TSPAN18: variants seen among roughly 807,000 people sequenced by gnomAD.
The protein encoded by TSPAN18 is tetraspanin-18.
A neutral mutation model predicts 27.3 loss-of-function variants in TSPAN18; 14 were observed. The observed-to-expected ratio is 0.51, with a 90% CI of 0.34 to 0.80. The LOEUF is 0.80. Ranked by LOEUF, TSPAN18 falls within the 30% of genes least tolerant of loss-of-function variation. The probability of loss-of-function intolerance (pLI) is 0.01; values close to 1 mark genes in which losing one functional copy is unlikely to be tolerated. For missense variants in TSPAN18, 268 were observed against 323.9 expected, an observed-to-expected ratio of 0.83 and a Z score of 1.32; for synonymous variants, 143 against 136.5, an observed-to-expected ratio of 1.05 and a Z score of -0.33.
intron 2 of TSPAN18, among the ~76,000 whole-genome samples, chr11:44,767,428 A>C (rs573125791): frequency 6.6e-6 from 1 of 152,350 alleles, no homozygotes; most frequent in South Asian, 2.1e-4. Context: ...GGAGCTCCTC[A>C]TGGCATTCTC....
At chr11:44,775,581 T>G (rs955308167) in intron 2 of TSPAN18, among the ~76,000 whole-genome samples, 15 of 152,088 alleles carry the variant, frequency 9.9e-5, no homozygotes, top group Admixed American at 4.6e-4. Context: ...AAGGTTTGGT[T>G]TGCTCCCTCT....
intron 1 of TSPAN18, among the ~76,000 whole-genome samples, chr11:44,740,001 G>A (rs967509795): frequency 6.6e-6 from 1 of 152,226 alleles, no homozygotes; most frequent in African/African-American, 2.4e-5. Flanking sequence ...AGTGGAATGA[G>A]CTGCTTGTTT....
chr11:44,827,252 C>T (rs191872733), intron 2 of TSPAN18, among the ~76,000 whole-genome samples: 1 of 152,330 alleles, frequency 6.6e-6, no homozygotes, highest in African/African-American at 2.4e-5. Context: ...TTTTCCAGGT[C>T]CCTGATGTTA....
intron 1 of TSPAN18, among the ~76,000 whole-genome samples, chr11:44,754,820 G>A (rs1409695690): frequency 6.6e-6 from 1 of 152,200 alleles, no homozygotes; most frequent in South Asian, 2.1e-4. Context: ...TTACCTCCTT[G>A]AAGTGATGAG....
At chr11:44,805,154 G>A (rs1020376345) in intron 2 of TSPAN18, among the ~76,000 whole-genome samples, 17 of 152,320 alleles carry the variant, frequency 1.1e-4, no homozygotes, top group East Asian at 1.9e-4. Flanking sequence ...GCTGGTTATC[G>A]CTTTTCATAA....
intron 9 of TSPAN18, 26 bp downstream of exon 9, chr11:44,926,783 G>T: frequency 6.2e-7 from 1 of 1,608,880 alleles, no homozygotes; most frequent in Non-Finnish European, 8.5e-7. Context: ...CACTTCTGCC[G>T]CTCCCCAGGA....
chr11:44,834,864 G>C (rs1017727581), intron 2 of TSPAN18, among the ~76,000 whole-genome samples: 1 of 152,172 alleles, frequency 6.6e-6, no homozygotes. Flanking sequence ...CCCAGAAGAA[G>C]CCTAAGGGGG....
chr11:44,804,111 T>A (rs556653086), intron 2 of TSPAN18, among the ~76,000 whole-genome samples: 2 of 152,168 alleles, frequency 1.3e-5, no homozygotes, highest in Non-Finnish European at 2.9e-5. Flanking sequence ...TTCTTTTTTT[T>A]TTCCCCCCAG....
intron 1 of TSPAN18, among the ~76,000 whole-genome samples, chr11:44,747,053 G>A (rs1023304617): frequency 5.9e-5 from 9 of 152,252 alleles, no homozygotes; most frequent in Non-Finnish European, 1.2e-4. Context: ...GAAAAACGGG[G>A]CCTTTCTCTG....
intron 2 of TSPAN18, among the ~76,000 whole-genome samples, chr11:44,856,115 C>T (rs1857731114): frequency 6.6e-6 from 1 of 151,982 alleles, no homozygotes; most frequent in African/African-American, 2.4e-5. Context: ...GATCTCCTAA[C>T]CTCATGATCT....
intron 1 of TSPAN18, among the ~76,000 whole-genome samples, chr11:44,749,051 G>A (rs1855148877): frequency 6.6e-6 from 1 of 152,218 alleles, no homozygotes; most frequent in Non-Finnish European, 1.5e-5. Flanking sequence ...CATACTGCAT[G>A]TCTGGCAGAG....
chr11:44,759,709 C>T (rs1348865235), intron 1 of TSPAN18, among the ~76,000 whole-genome samples: 1 of 152,192 alleles, frequency 6.6e-6, no homozygotes, highest in Non-Finnish European at 1.5e-5. Context: ...ATCCATTTCT[C>T]CTAGCAACTG....
chr11:44,757,102 A>G (rs989558878), intron 1 of TSPAN18, among the ~76,000 whole-genome samples: 1 of 152,166 alleles, frequency 6.6e-6, no homozygotes, highest in Admixed American at 6.5e-5. Context: ...TCTTTTGGGT[A>G]TATACCTAGA....
Position 44,919,882 on chromosome 11 carries a change from C to A in TSPAN18, c.498C>A (p.Thr166=). The A allele has an allele frequency of 6.2e-7, 1 of 1,614,204 alleles. No homozygotes were observed. The highest frequency in any genetic ancestry group is 8.5e-7 in the Non-Finnish European group (1 of 1,180,028). The change falls in exon 8 of 10, where the codon ACC becomes ACA. Residue 166 remains threonine, a synonymous_variant. Transcript: ENST00000520358. ...FKFASVFRLL[T]LDSEEVPEAC... is the part of the protein sequence containing the mutation. ...TTGCATCTGTGTTTCGACTCCTGAC[C>A]CTGGATAGTGAAGAGGTGCCGGAGG...
intron 1 of TSPAN18, among the ~76,000 whole-genome samples, chr11:44,760,751 A>C (rs1347655437): frequency 6.6e-6 from 1 of 152,214 alleles, no homozygotes; most frequent in Admixed American, 6.5e-5. Flanking sequence ...TACTCATCGT[A>C]GTTACTGCCA....
intron 2 of TSPAN18, among the ~76,000 whole-genome samples, chr11:44,833,756 A>G (rs1193088247): frequency 6.6e-6 from 1 of 151,990 alleles, no homozygotes; most frequent in African/African-American, 2.4e-5. Context: ...TGTAGACACC[A>G]GGTCTGATAG....
chr11:44,779,183 A>G (rs1212128530), intron 2 of TSPAN18, among the ~76,000 whole-genome samples: 2 of 151,964 alleles, frequency 1.3e-5, no homozygotes, highest in Admixed American at 6.6e-5. Context: ...CTAGGTGCGC[A>G]TGTTCCTCCT....
chr11:44,910,955 A>G (rs1280180184), intron 5 of TSPAN18, among the ~76,000 whole-genome samples: 3 of 152,216 alleles, frequency 2.0e-5, no homozygotes, highest in Admixed American at 6.5e-5. Flanking sequence ...CGACCAGCTC[A>G]GCTATAGATC....
intron 5 of TSPAN18, among the ~76,000 whole-genome samples, chr11:44,913,004 T>C (rs1346321169): frequency 6.6e-6 from 1 of 152,022 alleles, no homozygotes; most frequent in African/African-American, 2.4e-5. Context: ...AAAAGGTTTA[T>C]GCCCTAAAAA....
Sources: gnomAD v4.1 joint callset for allele counts (sites outside exome capture counted in the v4.1 genomes callset) on GRCh38, gnomAD v4.1.1 for gene constraint, MANE v1.5 for transcripts, NCBI Gene and HGNC (gene_info 2026-07-23, HGNC 2026-07-21) for gene names.